EPRS1: variants seen among roughly 807,000 people sequenced by gnomAD.
The protein encoded by EPRS1 is bifunctional glutamate/proline--tRNA ligase.
A neutral mutation model predicts 188.3 loss-of-function variants in EPRS1; 107 were observed. The observed-to-expected ratio is 0.57, with a 90% CI of 0.49 to 0.67. The LOEUF (loss-of-function observed/expected upper bound fraction) is 0.67. EPRS1 is among the 30% of genes least tolerant of loss of function. EPRS1 has a pLI of 0.00. For synonymous variants in EPRS1, 596 were observed against 593.1 expected (o/e 1.00, Z -0.07); for missense variants, 1,577 against 1,802.2 (o/e 0.88, Z 2.26).
intron 18 of EPRS1, among the ~76,000 whole-genome samples, chr1:219,991,446 G>A (rs1025424313): frequency 1.3e-5 from 2 of 152,126 alleles, no homozygotes; most frequent in African/African-American, 4.8e-5. Context: ...ACTCCTGAAA[G>A]CAGAGATTCT....
chr1:220,007,172 T>C, intron 14 of EPRS1, 30 bp downstream of exon 14: 6 of 1,580,300 alleles, frequency 3.8e-6, no homozygotes, highest in Non-Finnish European at 5.2e-6. Flanking sequence ...TTCTCCTATG[T>C]TTATTTGAAA....
rs776927648 is a variant in EPRS1, at chr1:220,046,349, G to A, written c.40C>T (p.Pro14Ser). Residue 14 changes from proline to serine, a missense_variant, in exon 1 of 32, where the codon CCG becomes TCG. Physicochemically the swap from Pro to Ser is moderately conservative, Grantham distance 74. This residue lies in a region of EPRS1 where 1,278 missense variants were observed against 1,457.4 expected (regional missense o/e 0.88). Transcript: ENST00000366923. ...ATTGGTCTCGGCCCCTTACCTAGCG[G>A]AGGGTCTCCTGAATTCACGGTCAGA... ...LSLTVNSGDP[P>S]LGALLAVEHV... The A allele has an allele frequency of 1.8e-5, 29 of 1,614,012 alleles. No homozygotes were observed. Among genetic ancestry groups the A allele is most frequent in the Non-Finnish European group, 2.3e-5 (27 of 1,180,038 alleles).
At chr1:220,025,663 G>C (rs898471453) in intron 6 of EPRS1, among the ~76,000 whole-genome samples, 4 of 152,148 alleles carry the variant, frequency 2.6e-5, no homozygotes, top group African/African-American at 7.2e-5. Flanking sequence ...AGAACTGGGT[G>C]CCCACCTATG....
chr1:220,036,045 T>TA (rs1466288584), intron 2 of EPRS1, among the ~76,000 whole-genome samples: 5 of 151,756 alleles, frequency 3.3e-5, no homozygotes, highest in Admixed American at 3.3e-4. Flanking sequence ...TCTACAAATA[T>TA]AAAAATTAGC....
At chr1:219,998,094 C>T (rs1283596074) in intron 17 of EPRS1, among the ~76,000 whole-genome samples, 1 of 152,152 alleles carries the variant, frequency 6.6e-6, no homozygotes, top group Non-Finnish European at 1.5e-5. Flanking sequence ...ACCCTTCTAA[C>T]ATTAAAACCC....
chr1:219,994,317 C>T (rs902640976), intron 18 of EPRS1, among the ~76,000 whole-genome samples: 7 of 152,032 alleles, frequency 4.6e-5, no homozygotes, highest in African/African-American at 1.7e-4. Flanking sequence ...ATGTCTTATC[C>T]AGGGCTGGTT....
In EPRS1 at chr1:220,020,003, C is replaced by A; in HGVS notation, c.1334G>T (p.Gly445Val). 1.9e-6 allele frequency: 3 copies of A among 1,609,672 alleles called. No homozygotes were observed. The highest frequency in any genetic ancestry group is 2.6e-6 in the Non-Finnish European group (3 of 1,175,992). ...TTAAACATACCATCCATCTACTAGT[C>A]CTTCATTGACAAACCATGTGAGTTT... is the stretch of plus-strand genomic sequence containing the variant. ...KRKLTWFVNEGLVDGWDDPRF... is the reference protein window; with the variant it reads ...KRKLTWFVNEVLVDGWDDPRF... The change falls in exon 10 of 32, where the codon GGA (glycine) becomes GTA (valine). Residue 445 changes from glycine (G) to valine (V), a missense_variant. This residue lies in a region of EPRS1 where 1,278 missense variants were observed against 1,457.4 expected (regional missense o/e 0.88). Coordinates refer to ENST00000366923, the MANE Select transcript of EPRS1 (RefSeq NM_004446.3).
chr1:220,036,270 A>G (rs1362078672), intron 2 of EPRS1, among the ~76,000 whole-genome samples: 1 of 152,244 alleles, frequency 6.6e-6, no homozygotes, highest in Non-Finnish European at 1.5e-5. Context: ...AAAAAGCAGT[A>G]TGGCATTTTC....
chr1:219,989,828 T>C (rs1432464974), intron 18 of EPRS1, among the ~76,000 whole-genome samples: 4 of 152,170 alleles, frequency 2.6e-5, no homozygotes, highest in Non-Finnish European at 5.9e-5. Context: ...TGAGAGTAGA[T>C]TGTCTGATTT....
At chr1:220,029,854 T>A (rs1662053542) in intron 6 of EPRS1, among the ~76,000 whole-genome samples, 1 of 152,126 alleles carries the variant, frequency 6.6e-6, no homozygotes, top group African/African-American at 2.4e-5. Context: ...CAGAACAGTC[T>A]TTTTCTCTAA....
intron 15 of EPRS1, among the ~76,000 whole-genome samples, 193 bp from the exon 16 acceptor site, chr1:220,005,553 T>C (rs1022144364): frequency 2.0e-5 from 3 of 152,194 alleles, no homozygotes; most frequent in East Asian, 1.9e-4. Flanking sequence ...TTTTTAAAAG[T>C]TAACATTCAT....
chr1:219,983,495 T>G lies in EPRS1; in HGVS notation c.3091-97A>C, dbSNP rs1571659411. On this transcript the variant is annotated intron_variant, in intron 21 of 31. Coordinates refer to ENST00000366923, the MANE Select transcript of EPRS1 (RefSeq NM_004446.3). ...TAACCAAAATTCAAATCTGGAGGCT[T>G]CTACTGTTGATAACATCCCCTTAAT... 6.4e-6 allele frequency: 5 copies of G among 785,962 alleles called. No homozygotes were observed. In the East Asian group the frequency reaches 1.3e-4, roughly 21 times the overall value. 48.7% of individuals were successfully genotyped at this position (785,962 alleles called of 1,614,324 possible).
chr1:220,003,517 GTTT>G (rs1661399464), intron 16 of EPRS1, among the ~76,000 whole-genome samples: 1 of 152,130 alleles, frequency 6.6e-6, no homozygotes, highest in Non-Finnish European at 1.5e-5. Context: ...TCTTCTAAGA[GTTT>G]TATAGTTTTT....
chr1:219,987,063 T>C, intron 20 of EPRS1, 79 bp downstream of exon 20: 1 of 1,459,958 alleles, frequency 6.8e-7, no homozygotes, highest in Non-Finnish European at 9.3e-7. Context: ...GTTAAACCAG[T>C]CAAAATTTGT....
chr1:220,027,092 C>T (rs1571692786), intron 6 of EPRS1, among the ~76,000 whole-genome samples: 1 of 151,568 alleles, frequency 6.6e-6, no homozygotes, highest in East Asian at 2.0e-4. Context: ...GAGTTCAACA[C>T]CAGCCTGGCC....
chr1:220,004,405 C>T (rs1317825695), intron 16 of EPRS1, among the ~76,000 whole-genome samples: 2 of 151,848 alleles, frequency 1.3e-5, no homozygotes, highest in Non-Finnish European at 2.9e-5. Flanking sequence ...GACTGGTGGG[C>T]ATGTGAAAAC....
chr1:220,025,324 T>A, intron 6 of EPRS1, 66 bp from the exon 7 acceptor site: 1 of 1,289,076 alleles, frequency 7.8e-7, no homozygotes, highest in African/African-American at 1.5e-5. Context: ...AAACTTAACC[T>A]TTTTGAGGAG....
chr1:220,025,328 T>C (rs1407845390), intron 6 of EPRS1, 70 bp from the exon 7 acceptor site: 1 of 1,236,456 alleles, frequency 8.1e-7, no homozygotes, highest in African/African-American at 1.5e-5. Context: ...TTAACCTTTT[T>C]GAGGAGATGA....
intron 11 of EPRS1, 31 bp downstream of exon 11, chr1:220,018,964 C>T (rs2102588585): frequency 2.0e-6 from 3 of 1,475,722 alleles, no homozygotes; most frequent in Non-Finnish European, 2.8e-6. Context: ...AAATTTCAAA[C>T]AGACAAGCTG....
Sources: allele counts gnomAD v4.1 joint callset (sites outside exome capture counted in the v4.1 genomes callset), GRCh38; gene constraint gnomAD v4.1.1; regional missense constraint gnomAD v4.1.1; transcripts MANE v1.5; gene names NCBI Gene and HGNC (gene_info 2026-07-23, HGNC 2026-07-21).